GPC3: variants seen among roughly 807,000 people sequenced by gnomAD.
The protein encoded by GPC3 is glypican 3.
In GPC3, 3 loss-of-function variants were observed where a neutral mutation model predicts 34.4. The observed-to-expected ratio is 0.09, with a 90% CI of 0.04 to 0.23. The LOEUF (loss-of-function observed/expected upper bound fraction) is 0.23, where lower values mean the gene tolerates loss of function less well. Among genes scored for constraint, GPC3 ranks in the 10% least tolerant of loss-of-function variants. GPC3 has a pLI of 1.00. For synonymous variants in GPC3, 177 were observed against 174.0 expected (o/e 1.02, Z -0.13); for missense variants, 351 against 445.6 (o/e 0.79, Z 1.91).
intron 3 of GPC3, among the ~76,000 whole-genome samples, chrX:133,728,518 C>A (rs905477602): frequency 4.5e-5 from 5 of 112,311 alleles, no homozygotes; most frequent in Non-Finnish European, 9.4e-5. Flanking sequence ...ATTTAGAACA[C>A]CCCCTACTCA....
intron 5 of GPC3, among the ~76,000 whole-genome samples, chrX:133,664,012 T>G (rs181396230): frequency 4.5e-5 from 5 of 111,958 alleles, no homozygotes; most frequent in Non-Finnish European, 9.4e-5. Flanking sequence ...TGTAAGCAAA[T>G]CTTTTTAACT....
chrX:133,825,063 G>A (rs1388265174), intron 2 of GPC3, among the ~76,000 whole-genome samples: 1 of 111,256 alleles, frequency 9.0e-6, no homozygotes, highest in Non-Finnish European at 1.9e-5. Flanking sequence ...CACCGTGTTA[G>A]CCAGGCTGCT....
At chrX:133,889,847 T>C (rs1194009141) in intron 2 of GPC3, among the ~76,000 whole-genome samples, 1 of 100,445 alleles carries the variant, frequency 1.0e-5, no homozygotes, top group Non-Finnish European at 2.0e-5. Context: ...TTTTTTTTTT[T>C]TTTTTTGAGA....
At chrX:133,969,377 G>A (rs1156749658) in intron 1 of GPC3, among the ~76,000 whole-genome samples, 1 of 111,847 alleles carries the variant, frequency 8.9e-6, no homozygotes, top group Admixed American at 9.5e-5. Flanking sequence ...AGATATACAA[G>A]GAGCTAAAGA....
intron 3 of GPC3, among the ~76,000 whole-genome samples, chrX:133,702,950 T>C (rs2071179522): frequency 8.9e-6 from 1 of 112,418 alleles, no homozygotes; most frequent in Non-Finnish European, 1.9e-5. Flanking sequence ...ATGTGAGCTA[T>C]AGGTGAATAT....
intron 2 of GPC3, among the ~76,000 whole-genome samples, chrX:133,857,724 A>AT (rs943508297): frequency 4.9e-4 from 55 of 112,267 alleles, no homozygotes; most frequent in African/African-American, 1.5e-3. Context: ...ATCCTTGCCT[A>AT]CAATGACATC....
chrX:133,678,773 T>C (rs1310792868), intron 5 of GPC3, among the ~76,000 whole-genome samples: 2 of 111,818 alleles, frequency 1.8e-5, no homozygotes, highest in East Asian at 5.6e-4. Flanking sequence ...TGCCTATAAA[T>C]GAAAAAAATA....
chrX:133,676,874 C>T (rs2070888453), intron 5 of GPC3, among the ~76,000 whole-genome samples: 1 of 111,276 alleles, frequency 9.0e-6, no homozygotes, highest in Non-Finnish European at 1.9e-5. Flanking sequence ...AATTGTCTCT[C>T]TCCCTCTGGT....
Position 133,536,202 on chromosome X carries a change from G to C in GPC3, c.1665C>G (p.Leu555=), listed in dbSNP as rs1248944051. 4 of 1,201,130 alleles carry C rather than the reference G, an allele frequency of 3.3e-6. No individual in the cohort carries two copies. Among genetic ancestry groups the C allele is most frequent in the African/African-American group, 1.8e-5 (1 of 56,328 alleles). The change falls in exon 8 of 8, where the codon CTC becomes CTG. Residue 555 remains leucine (L), a synonymous_variant. Transcript: ENST00000370818. ...KDNEISTFHN[L]GNVHSPLKLL... is the part of the protein sequence containing the mutation. ...GCTTCAGCGGGGAATGAACGTTCCC[G>C]AGGTTGTGAAAGGTGCTTATCTCGT...
At chrX:133,638,615 C>T (rs2070451438) in intron 6 of GPC3, among the ~76,000 whole-genome samples, 1 of 111,441 alleles carries the variant, frequency 9.0e-6, no homozygotes, top group African/African-American at 3.3e-5. Context: ...ATATGAATGC[C>T]TTGCCTCAAA....
intron 3 of GPC3, among the ~76,000 whole-genome samples, chrX:133,740,142 C>T (rs5933342): frequency 0.34 from 38,017 of 110,998 alleles, 8,702 homozygotes; most frequent in African/African-American, 0.83. Context: ...TAACCAGAAC[C>T]GAGACAATTC....
rs186834770 is a variant in GPC3 at position 133,761,062 on chromosome X, T to C, written c.338-6886A>G. Among the ~76,000 whole-genome samples the C allele has an allele frequency of 4.6e-4, 51 of 111,073 alleles. 1 individual carries two copies. The highest frequency in any genetic ancestry group is 1.6e-3 in the African/African-American group (50 of 30,687). On this transcript the variant is annotated intron_variant, in intron 2 of 7. Coordinates refer to ENST00000370818, the MANE Select transcript of GPC3 (RefSeq NM_004484.4). ...AGAGTGTTAAATCACTCCCTCTTTT[T>C]CCCCCTCGATCTGCTTTGACATTTC...
intron 2 of GPC3, among the ~76,000 whole-genome samples, chrX:133,790,074 T>C (rs2072144370): frequency 9.0e-6 from 1 of 110,775 alleles, no homozygotes; most frequent in Non-Finnish European, 1.9e-5. Flanking sequence ...AGTTGTTAAC[T>C]GATAAATGAG....
At position 133,704,399 on chromosome X, in the gene GPC3, A is replaced by G; in HGVS notation, c.1033-4371T>C. ...AATAAAAGACAGATTAAAAAGAGAAATCCATACAAATATGTTTAATATAAG... is the reference window on the plus strand; with the variant it reads ...AATAAAAGACAGATTAAAAAGAGAAGTCCATACAAATATGTTTAATATAAG... On this transcript the variant is annotated intron_variant, in intron 3 of 7. Transcript: ENST00000370818. 9.1e-6 allele frequency: 3 copies of G among 328,084 alleles called. No individual in the cohort carries two copies. In the East Asian group the frequency reaches 1.3e-4, roughly 14 times the overall value. 27.0% of individuals were successfully genotyped at this position (328,084 alleles called of 1,213,427 possible). A position where few individuals can be genotyped will look rare whatever the true frequency, so the allele number is the denominator to read the frequency against.
intron 3 of GPC3, among the ~76,000 whole-genome samples, chrX:133,744,205 C>A (rs1366824906): frequency 1.8e-5 from 2 of 112,055 alleles, no homozygotes; most frequent in East Asian, 5.6e-4. Context: ...GCAAAAGAAA[C>A]TATCATCAGA....
chrX:133,664,558 C>T (rs1271363713), intron 5 of GPC3, among the ~76,000 whole-genome samples: 2 of 111,361 alleles, frequency 1.8e-5, no homozygotes, highest in Admixed American at 9.6e-5. Context: ...AATGAAACTA[C>T]ATTTATGGTT....
chrX:133,540,456 A>G (rs2069330832), intron 7 of GPC3, among the ~76,000 whole-genome samples: 1 of 112,392 alleles, frequency 8.9e-6, no homozygotes, highest in African/African-American at 3.2e-5. Context: ...TCAGGAATGG[A>G]AAACCAAATA....
chrX:133,767,929 T>C (rs2071867093), intron 2 of GPC3, among the ~76,000 whole-genome samples: 1 of 106,544 alleles, frequency 9.4e-6, no homozygotes, highest in Non-Finnish European at 1.9e-5. Flanking sequence ...TACGTGTGTG[T>C]TAGGGAGTCT....
At chrX:133,740,526 T>A (rs1045634694) in intron 3 of GPC3, among the ~76,000 whole-genome samples, 16 of 112,418 alleles carry the variant, frequency 1.4e-4, no homozygotes, top group Admixed American at 4.7e-4. Context: ...GGGTTCACAA[T>A]TTTTTAAAAA....
Sources: gnomAD v4.1 joint callset for allele counts (sites outside exome capture counted in the v4.1 genomes callset) on GRCh38, gnomAD v4.1.1 for gene constraint, MANE v1.5 for transcripts, NCBI Gene and HGNC (gene_info 2026-07-23, HGNC 2026-07-21) for gene names.